Variants in ITSN1 observed in about 807,000 individuals in gnomAD.
ITSN1 encodes the protein intersectin-1.
A neutral mutation model predicts 239.8 loss-of-function variants in ITSN1; 58 were observed. The observed-to-expected ratio is 0.24, with a 90% CI of 0.20 to 0.30. The LOEUF (loss-of-function observed/expected upper bound fraction) is 0.30. Ranked by LOEUF, ITSN1 falls within the 10% of genes least tolerant of loss-of-function variation. The probability of loss-of-function intolerance (pLI) is 1.00; values close to 1 mark genes in which losing one functional copy is unlikely to be tolerated. For synonymous variants in ITSN1, 780 were observed against 770.8 expected (o/e 1.01, Z -0.20); for missense variants, 1,558 against 2,103.3 (o/e 0.74, Z 5.07).
At chr21:33,742,028 C>T (rs1303111234) in intron 5 of ITSN1, among the ~76,000 whole-genome samples, 1 of 151,506 alleles carries the variant, frequency 6.6e-6, no homozygotes, top group Non-Finnish European at 1.5e-5. Flanking sequence ...CAGTGATGAC[C>T]ACTGTGTTCA....
At chr21:33,829,060 AAAGAAG>A in intron 26 of ITSN1, 1 of 464,592 alleles carries the variant, frequency 2.2e-6, no homozygotes, top group Non-Finnish European at 4.4e-6. Flanking sequence ...TGTGAGCCAT[AAAGAAG>A]AAGGCTGTGT....
intron 4 of ITSN1, among the ~76,000 whole-genome samples, chr21:33,728,217 G>A (rs1367605478): frequency 1.3e-5 from 2 of 151,936 alleles, no homozygotes; most frequent in Non-Finnish European, 1.5e-5. Context: ...CACCTGCCTC[G>A]GCCTCTCAAA....
At chr21:33,806,206 T>C (rs1473823231) in intron 20 of ITSN1, among the ~76,000 whole-genome samples, 1 of 151,798 alleles carries the variant, frequency 6.6e-6, no homozygotes, top group East Asian at 2.0e-4. Context: ...GTGAGAATCC[T>C]TCCAAAAAAC....
chr21:33,769,258 TG>T (rs1477623823), intron 11 of ITSN1, among the ~76,000 whole-genome samples: 6 of 152,260 alleles, frequency 3.9e-5, no homozygotes, highest in Non-Finnish European at 7.3e-5. Flanking sequence ...TTTAAAATTT[TG>T]AACAGGAAGC....
intron 7 of ITSN1, among the ~76,000 whole-genome samples, chr21:33,754,749 TCTGTTCTCTCTCTCTCTGGGAAA>T (rs1470135772): frequency 6.6e-6 from 1 of 152,232 alleles, no homozygotes; most frequent in African/African-American, 2.4e-5. Context: ...ATGGAAATGT[TCTGTTCTCTCTCTCTCTGGGAAA>T]CTGTCCAATG....
chr21:33,704,412 A>G (rs1173976398), intron 1 of ITSN1, among the ~76,000 whole-genome samples: 2 of 152,144 alleles, frequency 1.3e-5, no homozygotes, highest in Non-Finnish European at 2.9e-5. Context: ...TTACCAGGCT[A>G]ACTACTTTGT....
At chr21:33,771,480 GA>G (rs929164754) in intron 11 of ITSN1, among the ~76,000 whole-genome samples, 5 of 151,498 alleles carry the variant, frequency 3.3e-5, no homozygotes, top group Admixed American at 1.3e-4. Flanking sequence ...TAAAGTATTA[GA>G]AAAAAAAGGA....
intron 33 of ITSN1, among the ~76,000 whole-genome samples, chr21:33,874,619 C>T (rs9983762): frequency 0.56 from 84,323 of 150,608 alleles, 24,123 homozygotes; most frequent in African/African-American, 0.69. Context: ...TAGTTTATTC[C>T]TCTGTGAAAC....
At chr21:33,781,578 T>G in intron 15 of ITSN1, 30 bp downstream of exon 15, 1 of 1,233,854 alleles carries the variant, frequency 8.1e-7, no homozygotes, top group Non-Finnish European at 1.1e-6. Flanking sequence ...AGTTGACCTT[T>G]TCTTTATTCT....
intron 23 of ITSN1, 73 bp downstream of exon 23, chr21:33,818,545 A>G (rs2073437477): frequency 3.1e-6 from 4 of 1,285,610 alleles, no homozygotes; most frequent in Middle Eastern, 4.1e-4. Context: ...GCACTAGTTA[A>G]GATTCACAGA....
At chr21:33,855,985 G>A (rs779027465) in intron 29 of ITSN1, among the ~76,000 whole-genome samples, 4 of 152,336 alleles carry the variant, frequency 2.6e-5, no homozygotes, top group Non-Finnish European at 4.4e-5. Flanking sequence ...CCTGGAGCTC[G>A]GGGATAGAGC....
intron 16 of ITSN1, among the ~76,000 whole-genome samples, chr21:33,793,869 A>G (rs1205077735): frequency 1.3e-5 from 2 of 152,206 alleles, no homozygotes; most frequent in South Asian, 2.1e-4. Context: ...CATTTGTTCT[A>G]AGGCAGCTTA....
chr21:33,687,537 A>G (rs914551810), intron 1 of ITSN1, among the ~76,000 whole-genome samples: 1 of 152,110 alleles, frequency 6.6e-6, no homozygotes, highest in African/African-American at 2.4e-5. Flanking sequence ...TTGAAGGCCT[A>G]AGGATTTTGT....
At chr21:33,875,972 G>A (rs1252603553) in intron 34 of ITSN1, among the ~76,000 whole-genome samples, 4 of 152,126 alleles carry the variant, frequency 2.6e-5, no homozygotes, top group South Asian at 2.1e-4. Context: ...GAGCCACCGC[G>A]CCTGGCCATC....
At chr21:33,777,930 C>T (rs1421615576) in intron 14 of ITSN1, among the ~76,000 whole-genome samples, 1 of 152,180 alleles carries the variant, frequency 6.6e-6, no homozygotes. Context: ...TTCTTGTAAA[C>T]ACCTTTTATC....
chr21:33,835,691 G>A (rs2074561256), intron 28 of ITSN1, among the ~76,000 whole-genome samples: 1 of 152,214 alleles, frequency 6.6e-6, no homozygotes. Flanking sequence ...AGCACTTTGG[G>A]AGGCCGAGGC....
At chr21:33,875,886 G>A (rs1374291782) in intron 34 of ITSN1, among the ~76,000 whole-genome samples, 1 of 152,252 alleles carries the variant, frequency 6.6e-6, no homozygotes, top group African/African-American at 2.4e-5. Context: ...TCCCGTGTTG[G>A]CCAGGCTGGT....
At chr21:33,756,251 G>A (rs538724337) in intron 8 of ITSN1, among the ~76,000 whole-genome samples, 23 of 139,696 alleles carry the variant, frequency 1.6e-4, no homozygotes, top group Non-Finnish European at 2.9e-4. Flanking sequence ...TCATGCCACT[G>A]CACTCCATCC....
chr21:33,701,000 GA>G, intron 1 of ITSN1, among the ~76,000 whole-genome samples: 1 of 125,600 alleles, frequency 8.0e-6, no homozygotes, highest in Non-Finnish European at 1.7e-5. Flanking sequence ...TTTTCTTATA[GA>G]TGTGGTCTCA....
Sources: allele counts gnomAD v4.1 joint callset (sites outside exome capture counted in the v4.1 genomes callset), GRCh38; gene constraint gnomAD v4.1.1; transcripts MANE v1.5; gene names NCBI Gene and HGNC (gene_info 2026-07-23, HGNC 2026-07-21).